SDK1: variants seen among roughly 807,000 people sequenced by gnomAD.
SDK1 encodes the protein sidekick cell adhesion molecule 1, also known as protein sidekick-1.
SDK1 carries 157 observed loss-of-function variants against 245.5 expected under a neutral mutation model. The observed-to-expected ratio is 0.64, with a 90% CI of 0.56 to 0.73. SDK1 has a LOEUF of 0.73. SDK1 is among the 30% of genes least tolerant of loss of function. SDK1 has a pLI of 0.00. For synonymous variants in SDK1, 1,647 were observed against 1,278.5 expected, an observed-to-expected ratio of 1.29 and a Z score of -6.15; for missense variants, 3,583 against 3,002.3, an observed-to-expected ratio of 1.19 and a Z score of -4.52.
chr7:3,891,438 G>C (rs1161871937), intron 5 of SDK1, among the ~76,000 whole-genome samples: 1 of 152,232 alleles, frequency 6.6e-6, no homozygotes, highest in Non-Finnish European at 1.5e-5. Context: ...TAGGAAGGAT[G>C]AATGCCGAGG....
In SDK1 at chr7:3,437,451, C is replaced by G. The variant is rs534650542; in HGVS notation, c.298+135567C>G. On this transcript the variant is annotated intron_variant, in intron 1 of 44. Coordinates refer to ENST00000404826, the MANE Select transcript of SDK1 (RefSeq NM_152744.4). ...TGTGAAAATTTACAAACCAGTAATC[C>G]TCTATTTCATGTGCCAGCAGTCAAA... Among the ~76,000 whole-genome samples, 3 of 152,168 alleles carry G rather than the reference C, an allele frequency of 2.0e-5. No individual in the cohort carries two copies. The East Asian group carries it at 5.8e-4, about 29-fold the overall frequency.
In SDK1 at chr7:3,886,713, G is replaced by A. The variant is rs1450847094; in HGVS notation, c.848-64210G>A. Among the ~76,000 whole-genome samples, 5 of 152,148 alleles carry A rather than the reference G, an allele frequency of 3.3e-5. No individual in the cohort carries two copies. In the South Asian group the frequency reaches 6.2e-4, roughly 19 times the overall value. On this transcript the variant is annotated intron_variant, in intron 5 of 44. Transcript: ENST00000404826. Reference sequence around the variant, plus strand: ...GAGGATTACTTAAAGCTACAAATTCGACACCAGCCTGAGAAACAAAGCAAG... The same window carrying A: ...GAGGATTACTTAAAGCTACAAATTCAACACCAGCCTGAGAAACAAAGCAAG...
At chr7:3,350,310 G>A (rs925993858) in intron 1 of SDK1, among the ~76,000 whole-genome samples, 1 of 152,196 alleles carries the variant, frequency 6.6e-6, no homozygotes, top group Non-Finnish European at 1.5e-5. Flanking sequence ...TTTGGGGACA[G>A]CATCCTAAGG....
At chr7:3,781,888 A>T (rs761823484) in intron 4 of SDK1, among the ~76,000 whole-genome samples, 1 of 152,200 alleles carries the variant, frequency 6.6e-6, no homozygotes, top group South Asian at 2.1e-4. Context: ...TAAAAGAATG[A>T]TAAAGAATGA....
chr7:4,012,595 T>C (rs1786077338), intron 16 of SDK1, among the ~76,000 whole-genome samples: 1 of 110,692 alleles, frequency 9.0e-6, no homozygotes, highest in Non-Finnish European at 1.9e-5. Flanking sequence ...TTTTTTTTGA[T>C]GGAGTTTCTC....
At chr7:4,136,668 C>G (rs552827736) in intron 28 of SDK1, among the ~76,000 whole-genome samples, 1 of 152,372 alleles carries the variant, frequency 6.6e-6, no homozygotes, top group East Asian at 1.9e-4. Flanking sequence ...ACCACATGGC[C>G]TTGACTGGTA....
intron 1 of SDK1, among the ~76,000 whole-genome samples, chr7:3,614,604 C>T (rs1031602551): frequency 6.6e-6 from 1 of 152,182 alleles, no homozygotes; most frequent in Non-Finnish European, 1.5e-5. Flanking sequence ...CCTTCTTTCT[C>T]CCTTTCTGTC....
At chr7:3,433,389 T>C (rs900405507) in intron 1 of SDK1, among the ~76,000 whole-genome samples, 1 of 152,204 alleles carries the variant, frequency 6.6e-6, no homozygotes, top group Non-Finnish European at 1.5e-5. Context: ...AGTAGTATTT[T>C]ATTTTATTTT....
At chr7:4,049,536 AC>A (rs1789285375) in intron 18 of SDK1, 73 bp downstream of exon 18, 4 of 1,148,952 alleles carry the variant, frequency 3.5e-6, no homozygotes, top group Admixed American at 3.6e-5. Context: ...AGCTGGAGGC[AC>A]CCCCTCTTGT....
intron 1 of SDK1, among the ~76,000 whole-genome samples, chr7:3,527,925 G>A (rs1783202585): frequency 6.7e-6 from 1 of 150,304 alleles, no homozygotes; most frequent in Non-Finnish European, 1.5e-5. Context: ...CCAGCTAGGG[G>A]GTGAATGGTA....
At chr7:3,820,798 G>T (rs1054352310) in intron 4 of SDK1, among the ~76,000 whole-genome samples, 1 of 152,206 alleles carries the variant, frequency 6.6e-6, no homozygotes, top group African/African-American at 2.4e-5. Context: ...GCCTTTCCCA[G>T]TAGAATCAGG....
chr7:3,681,528 C>T (rs1562367056), intron 4 of SDK1, among the ~76,000 whole-genome samples: 1 of 152,136 alleles, frequency 6.6e-6, no homozygotes, highest in African/African-American at 2.4e-5. Context: ...TTCAAAATGC[C>T]AATTTTTCAA....
chr7:4,231,581 A>T (rs1008386427), intron 40 of SDK1, among the ~76,000 whole-genome samples: 4 of 151,852 alleles, frequency 2.6e-5, no homozygotes, highest in Non-Finnish European at 5.9e-5. Context: ...CTCAAAAAAA[A>T]AAAAGAAAGG....
intron 1 of SDK1, among the ~76,000 whole-genome samples, chr7:3,418,156 A>C (rs1037712752): frequency 1.5e-5 from 1 of 66,208 alleles, no homozygotes; most frequent in African/African-American, 3.5e-5. Flanking sequence ...AAAAAAAAAA[A>C]AAAAAAAAAA....
intron 5 of SDK1, among the ~76,000 whole-genome samples, chr7:3,907,486 C>T (rs937234392): frequency 6.6e-6 from 1 of 152,190 alleles, no homozygotes; most frequent in Non-Finnish European, 1.5e-5. Context: ...CATTATCTGA[C>T]ATACCACACT....
At chr7:3,408,079 C>T (rs1198598524) in intron 1 of SDK1, among the ~76,000 whole-genome samples, 1 of 152,008 alleles carries the variant, frequency 6.6e-6, no homozygotes, top group Non-Finnish European at 1.5e-5. Context: ...TTGCTGTCAC[C>T]CAGGCTGGAA....
rs926388807 is a variant in SDK1 at position 4,219,976 on chromosome 7, ACTC to A, written c.5540-130_5540-128del. On this transcript the variant is annotated intron_variant, in intron 38 of 44. Transcript: ENST00000404826. ...AAAATTGGCTATTACCACCATATAA[ACTC>A]CTAATAGTAAGAAATACTTCCTTAG... is the stretch of plus-strand genomic sequence containing the variant. 194 of 1,061,886 alleles carry A rather than the reference ACTC, an allele frequency of 1.8e-4. No homozygotes were observed. In the African/African-American group the frequency reaches 3.0e-3, roughly 16 times the overall value. The allele number at this position is 1,061,886 out of a possible 1,614,324, so 65.8% of individuals were successfully genotyped here. A position where few individuals can be genotyped will look rare whatever the true frequency, so the allele number is the denominator to read the frequency against.
chr7:3,917,431 A>C (rs1779422679), intron 5 of SDK1, among the ~76,000 whole-genome samples: 1 of 152,180 alleles, frequency 6.6e-6, no homozygotes, highest in Non-Finnish European at 1.5e-5. Context: ...AAGGTGTGAC[A>C]GATTCCCCAA....
intron 4 of SDK1, chr7:3,642,903 G>C (rs544780866): frequency 6.6e-6 from 1 of 152,212 alleles, no homozygotes; most frequent in Non-Finnish European, 1.5e-5. Context: ...ATGCCATCCA[G>C]TGGTTGCACT....
Sources: gnomAD v4.1 joint callset for allele counts (sites outside exome capture counted in the v4.1 genomes callset) on GRCh38, gnomAD v4.1.1 for gene constraint, MANE v1.5 for transcripts, NCBI Gene and HGNC (gene_info 2026-07-23, HGNC 2026-07-21) for gene names.